Variants in BAZ2B observed in about 807,000 individuals in gnomAD.
BAZ2B encodes bromodomain adjacent to zinc finger domain protein 2B.
Under a neutral mutation model 246.0 loss-of-function variants are expected in BAZ2B, and 91 were observed. That is an observed-to-expected ratio of 0.37 (90% CI 0.31 to 0.44). The LOEUF is 0.44. Among genes scored for constraint, BAZ2B ranks in the 20% least tolerant of loss-of-function variants. The pLI, the probability that BAZ2B is intolerant of heterozygous loss-of-function variation, is 1.00. For synonymous variants in BAZ2B, 855 were observed against 860.0 expected (o/e 0.99, Z 0.10); for missense variants, 2,332 against 2,533.7 (o/e 0.92, Z 1.71).
chr2:159,397,539 A>C lies in BAZ2B; in HGVS notation c.2965-150T>G, dbSNP rs2064220495. 1.2e-5 allele frequency: 6 copies of C among 492,192 alleles called. No individual in the cohort carries two copies. In the South Asian group the frequency reaches 2.4e-4, roughly 20 times the overall value. 30.5% of individuals were successfully genotyped at this position (492,192 alleles called of 1,614,324 possible). A position where few individuals can be genotyped will look rare whatever the true frequency, so the allele number is the denominator to read the frequency against. ...ATATTCAATTATTTTTTATTTATAA[A>C]ATGTCAATTCGATTTTGTATGCTTC... On this transcript the variant is annotated intron_variant, in intron 18 of 36. Coordinates refer to ENST00000392783, the MANE Select transcript of BAZ2B (RefSeq NM_013450.4).
At chr2:159,680,364 T>C in the BAZ2B span, among the ~76,000 whole-genome samples, 1 of 152,252 alleles carries the variant, frequency 6.6e-6, no homozygotes, top group African/African-American at 2.4e-5. Context: ...TACTACCTAT[T>C]TGTTAGATAC....
intron 13 of BAZ2B, among the ~76,000 whole-genome samples, chr2:159,423,094 T>A (rs936402701): frequency 6.6e-6 from 1 of 152,034 alleles, no homozygotes; most frequent in Non-Finnish European, 1.5e-5. Context: ...GGCAGGCAGA[T>A]CATGAGGTCA....
intron 1 of BAZ2B, among the ~76,000 whole-genome samples, chr2:159,589,159 C>G (rs1688716984): frequency 1.3e-5 from 2 of 152,132 alleles, no homozygotes; most frequent in East Asian, 1.9e-4. Flanking sequence ...AAGACTGCTG[C>G]CACTCATAGG....
intron 3 of BAZ2B, 60 bp from the exon 4 acceptor site, chr2:159,453,861 A>T: frequency 7.7e-7 from 1 of 1,296,026 alleles, no homozygotes; most frequent in Non-Finnish European, 1.0e-6. Flanking sequence ...GACTTATCTG[A>T]TTTCAGTGTT....
At chr2:159,508,791 A>C (rs2082604565) in intron 2 of BAZ2B, among the ~76,000 whole-genome samples, 1 of 152,170 alleles carries the variant, frequency 6.6e-6, no homozygotes, top group Non-Finnish European at 1.5e-5. Context: ...TAATATTGTC[A>C]TCAGGATGAC....
At chr2:159,423,314 T>TAAAC (rs60596753) in intron 13 of BAZ2B, among the ~76,000 whole-genome samples, 20 of 151,212 alleles carry the variant, frequency 1.3e-4, no homozygotes, top group African/African-American at 4.4e-4. Context: ...AGACTCTATC[T>TAAAC]AAACAAACAA....
chr2:159,399,663 A>C (rs2064651998), intron 17 of BAZ2B, among the ~76,000 whole-genome samples: 1 of 152,172 alleles, frequency 6.6e-6, no homozygotes, highest in African/African-American at 2.4e-5. Flanking sequence ...GGTTTTTAAA[A>C]TTAATTTGAA....
chr2:159,513,271 T>C (rs924023295), intron 2 of BAZ2B, among the ~76,000 whole-genome samples: 2 of 152,250 alleles, frequency 1.3e-5, no homozygotes, highest in African/African-American at 4.8e-5. Flanking sequence ...TTTTTACTTA[T>C]TAGATGTTTA....
chr2:159,568,232 T>C (rs1292792934), intron 1 of BAZ2B, among the ~76,000 whole-genome samples: 1 of 152,206 alleles, frequency 6.6e-6, no homozygotes, highest in African/African-American at 2.4e-5. Context: ...GCCTAGCTAA[T>C]GAACAGCTGA....
In BAZ2B at chr2:159,464,924, G is replaced by T. The variant is rs117238013; in HGVS notation, c.146-11123C>A. Among the ~76,000 whole-genome samples, 87 of 152,196 alleles carry T rather than the reference G, an allele frequency of 5.7e-4. 1 individual carries two copies. In the East Asian group the frequency reaches 0.015, roughly 26 times the overall value. Reference sequence around the variant, plus strand: ...CTTTACTTACCTTAACCTAAATCTTGTTCTACTTATGTTTCAATACATAAG... The same window carrying T: ...CTTTACTTACCTTAACCTAAATCTTTTTCTACTTATGTTTCAATACATAAG... On this transcript the variant is annotated intron_variant, in intron 3 of 36. Coordinates refer to ENST00000392783, the MANE Select transcript of BAZ2B (RefSeq NM_013450.4).
chr2:159,363,694 C>A (rs962670939), intron 27 of BAZ2B, among the ~76,000 whole-genome samples: 3 of 152,100 alleles, frequency 2.0e-5, no homozygotes, highest in African/African-American at 7.2e-5. Flanking sequence ...AATGATAAGA[C>A]AGAAATTGAG....
intron 27 of BAZ2B, among the ~76,000 whole-genome samples, chr2:159,354,358 T>C: frequency 6.6e-6 from 1 of 152,088 alleles, no homozygotes; most frequent in Admixed American, 6.5e-5. Flanking sequence ...AAAAAATATA[T>C]ATATATTTTT....
the BAZ2B span, among the ~76,000 whole-genome samples, chr2:159,629,424 C>T: frequency 6.6e-6 from 1 of 152,156 alleles, no homozygotes; most frequent in African/African-American, 2.4e-5. Context: ...GGAACCGACC[C>T]AAATGCCCAT....
chr2:159,352,962 A>AAACCTC (rs2058715488), intron 27 of BAZ2B, among the ~76,000 whole-genome samples: 3 of 152,240 alleles, frequency 2.0e-5, no homozygotes, highest in Admixed American at 6.5e-5. Flanking sequence ...CAACATAGTG[A>AAACCTC]GATCCTGTCT....
chr2:159,649,094 G>A, the BAZ2B span, among the ~76,000 whole-genome samples: 1 of 152,064 alleles, frequency 6.6e-6, no homozygotes, highest in Non-Finnish European at 1.5e-5. Context: ...ATTTTTATAT[G>A]TTTATTTGCC....
chr2:159,350,230 C>A lies in BAZ2B; in HGVS notation c.4341G>T (p.Lys1447Asn). 2 of 1,613,604 alleles carry A rather than the reference C, an allele frequency of 1.2e-6. No homozygotes were observed. The highest frequency in any genetic ancestry group is 1.1e-5 in the South Asian group (1 of 91,040). Residue 1447 changes from lysine (K) to asparagine (N), a missense_variant, in exon 28 of 37, where the codon AAG (lysine) becomes AAT (asparagine). Lys to Asn is a moderately conservative substitution (Grantham distance 94). Around this residue, in one of 9 missense-constraint regions of BAZ2B, gnomAD observed 676 missense variants for 668.6 expected, o/e 1.01. Coordinates refer to ENST00000392783, the MANE Select transcript of BAZ2B (RefSeq NM_013450.4). ...TGTTATCTTTTTCTTTAAGATCTTC[C>A]TTTTGTTCACAGTGATCTGTATTTG... The part of the protein sequence containing the change: ...NCSNTDHCEQ[K>N]EDLKEKDNTN...
At chr2:159,513,187 C>T (rs1286283459) in intron 2 of BAZ2B, among the ~76,000 whole-genome samples, 1 of 152,088 alleles carries the variant, frequency 6.6e-6, no homozygotes, top group Admixed American at 6.5e-5. Flanking sequence ...AAACAGCAGT[C>T]AATGAAATAC....
intron 1 of BAZ2B, among the ~76,000 whole-genome samples, chr2:159,568,262 T>C (rs1683118832): frequency 6.6e-6 from 1 of 152,296 alleles, no homozygotes; most frequent in South Asian, 2.1e-4. Flanking sequence ...AAAATCATAT[T>C]GTTAACATTC....
At chr2:159,498,018 G>A (rs1392230765) in intron 2 of BAZ2B, among the ~76,000 whole-genome samples, 1 of 152,176 alleles carries the variant, frequency 6.6e-6, no homozygotes, top group Non-Finnish European at 1.5e-5. Context: ...TTCTACCCAG[G>A]AAGCTGCTAA....
Sources: gnomAD v4.1 joint callset for allele counts (sites outside exome capture counted in the v4.1 genomes callset) on GRCh38, gnomAD v4.1.1 for gene constraint, gnomAD v4.1.1 regional missense constraint, MANE v1.5 for transcripts, NCBI Gene and HGNC (gene_info 2026-07-23, HGNC 2026-07-21) for gene names.